COL8A1: variants seen among roughly 807,000 people sequenced by gnomAD.
COL8A1 encodes collagen alpha-1(VIII) chain.
A neutral mutation model predicts 42.7 loss-of-function variants in COL8A1; 21 were observed. The observed-to-expected ratio is 0.49, with a 90% confidence interval of 0.35 to 0.71. The LOEUF (loss-of-function observed/expected upper bound fraction) is 0.71, where lower values mean the gene tolerates loss of function less well. Ranked by LOEUF, COL8A1 falls within the 30% of genes least tolerant of loss-of-function variation. The probability of loss-of-function intolerance (pLI) is 0.01; values close to 1 mark genes in which losing one functional copy is unlikely to be tolerated. For synonymous variants in COL8A1, 367 were observed against 369.1 expected (o/e 0.99, Z 0.06); for missense variants, 788 against 962.4 (o/e 0.82, Z 2.40).
intron 1 of COL8A1, among the ~76,000 whole-genome samples, chr3:99,671,245 A>C (rs553616101): frequency 5.3e-4 from 81 of 152,170 alleles, no homozygotes; most frequent in African/African-American, 1.9e-3. Flanking sequence ...ACTGTAGAGA[A>C]GATAATTCTT....
intron 2 of COL8A1, among the ~76,000 whole-genome samples, chr3:99,756,807 G>A (rs1390063696): frequency 6.6e-6 from 1 of 152,148 alleles, no homozygotes; most frequent in African/African-American, 2.4e-5. Context: ...AAACGTCTTA[G>A]CCAAAATCAG....
chr3:99,742,930 T>C (rs1386557453), intron 1 of COL8A1, among the ~76,000 whole-genome samples: 1 of 152,210 alleles, frequency 6.6e-6, no homozygotes, highest in Non-Finnish European at 1.5e-5. Flanking sequence ...AATCTTATTG[T>C]CTAATGCAGT....
intron 2 of COL8A1, among the ~76,000 whole-genome samples, chr3:99,789,769 C>CAACTCTTTGTAAACTTTCTTTCAA (rs1941964750): frequency 2.0e-5 from 3 of 152,330 alleles, no homozygotes; most frequent in Non-Finnish European, 4.4e-5. Flanking sequence ...CTTATTCATA[C>CAACTCTTTGTAAACTTTCTTTCAA]AACTCTTGCT....
At chr3:99,767,504 A>T (rs1941486279) in intron 2 of COL8A1, among the ~76,000 whole-genome samples, 1 of 152,246 alleles carries the variant, frequency 6.6e-6, no homozygotes, top group Non-Finnish European at 1.5e-5. Context: ...ATTCTTGGTA[A>T]CAGCTGGTGG....
chr3:99,692,262 C>G (rs1223364918), intron 1 of COL8A1, among the ~76,000 whole-genome samples: 1 of 152,194 alleles, frequency 6.6e-6, no homozygotes, highest in African/African-American at 2.4e-5. Context: ...TCCTCAGCAA[C>G]CTGCATTTAC....
chr3:99,702,500 C>G (rs1939569044), intron 1 of COL8A1, among the ~76,000 whole-genome samples: 1 of 152,180 alleles, frequency 6.6e-6, no homozygotes, highest in African/African-American at 2.4e-5. Context: ...GATAAGTTAT[C>G]ATTTCCAATT....
chr3:99,736,798 T>A (rs1940732083), intron 1 of COL8A1, among the ~76,000 whole-genome samples: 1 of 151,160 alleles, frequency 6.6e-6, no homozygotes, highest in Non-Finnish European at 1.5e-5. Flanking sequence ...GTTGACTTTC[T>A]GTCTCGTTGA....
intron 1 of COL8A1, among the ~76,000 whole-genome samples, chr3:99,708,784 T>C (rs1939753514): frequency 6.6e-6 from 1 of 152,190 alleles, no homozygotes; most frequent in Non-Finnish European, 1.5e-5. Flanking sequence ...AAAGGCATTT[T>C]CCAACCACTT....
At chr3:99,733,632 A>C (rs938868803) in intron 1 of COL8A1, among the ~76,000 whole-genome samples, 1 of 152,036 alleles carries the variant, frequency 6.6e-6, no homozygotes, top group Non-Finnish European at 1.5e-5. Flanking sequence ...TCTTTATAGC[A>C]GCATGATTTA....
chr3:99,694,522 G>A (rs549018043), intron 1 of COL8A1, among the ~76,000 whole-genome samples: 1 of 152,026 alleles, frequency 6.6e-6, no homozygotes, highest in South Asian at 2.1e-4. Context: ...CCATGTGCAC[G>A]CTTTGAAAAT....
rs1576480592 is a variant in COL8A1, at chr3:99,795,418, G to A, written c.1517G>A (p.Ser506Asn). ...PPGIPGIGGP[S>N]GPIGPPGIPG... is the part of the protein sequence containing the mutation. ...GGTATCCCAGGGATTGGGGGCCCTA[G>A]TGGCCCCATTGGACCACCTGGGATT... Residue 506 changes from serine (S) to asparagine (N), a missense_variant, in exon 4 of 4, where the codon AGT becomes AAT. By Grantham distance (46) the Ser-to-Asn change is conservative (BLOSUM62 1). This residue lies in a region of COL8A1 where 154 missense variants were observed against 182.3 expected (regional missense o/e 0.84). Transcript: ENST00000652472. The A allele has an allele frequency of 6.5e-7, 1 of 1,535,972 alleles. No individual in the cohort carries two copies. Among genetic ancestry groups the A allele is most frequent in the East Asian group, 2.4e-5 (1 of 41,004 alleles).
In COL8A1 at chr3:99,659,724, T is replaced by C. The variant is rs201019053; in HGVS notation, c.-129+21060T>C. On this transcript the variant is annotated intron_variant, in intron 1 of 3. Coordinates refer to ENST00000652472, the MANE Select transcript of COL8A1 (RefSeq NM_020351.4). ...CTCCTGGGTTTGGTATATCTTTTTG[T>C]CCTTTATGATCATGTCCATAATCTG... 2.6e-5 allele frequency among the ~76,000 whole-genome samples: 4 copies of C among 152,216 alleles called. No individual in the cohort carries two copies. The East Asian group carries it at 5.8e-4, about 22-fold the overall frequency.
At chr3:99,739,402 G>A (rs978046099) in intron 1 of COL8A1, among the ~76,000 whole-genome samples, 3 of 152,168 alleles carry the variant, frequency 2.0e-5, no homozygotes, top group African/African-American at 4.8e-5. Flanking sequence ...GACTATGTGT[G>A]GGGGGACCAA....
chr3:99,752,344 A>C (rs1941167611), intron 2 of COL8A1, among the ~76,000 whole-genome samples: 2 of 152,172 alleles, frequency 1.3e-5, no homozygotes, highest in South Asian at 4.1e-4. Context: ...AACATTTAAT[A>C]AGTCCCAGCT....
intron 2 of COL8A1, among the ~76,000 whole-genome samples, chr3:99,782,536 C>T (rs992463633): frequency 2.0e-5 from 3 of 152,112 alleles, no homozygotes; most frequent in Non-Finnish European, 4.4e-5. Flanking sequence ...GGATTACAGG[C>T]ATGTGCCACC....
At chr3:99,753,378 G>A (rs1014018879) in intron 2 of COL8A1, among the ~76,000 whole-genome samples, 4 of 152,190 alleles carry the variant, frequency 2.6e-5, no homozygotes, top group Non-Finnish European at 5.9e-5. Flanking sequence ...GCCATCACAA[G>A]GACTAGGTGC....
intron 1 of COL8A1, among the ~76,000 whole-genome samples, chr3:99,647,639 G>A (rs1937689973): frequency 6.6e-6 from 1 of 152,130 alleles, no homozygotes; most frequent in Non-Finnish European, 1.5e-5. Context: ...AATAAACAAG[G>A]AGCCTAGATA....
At chr3:99,652,922 T>C (rs752779935) in intron 1 of COL8A1, among the ~76,000 whole-genome samples, 5 of 152,318 alleles carry the variant, frequency 3.3e-5, no homozygotes, top group East Asian at 1.9e-4. Flanking sequence ...GCTACTACCA[T>C]GACCTGAATA....
intron 2 of COL8A1, among the ~76,000 whole-genome samples, chr3:99,763,737 C>G (rs1048228646): frequency 6.6e-6 from 1 of 152,184 alleles, no homozygotes; most frequent in Admixed American, 6.5e-5. Flanking sequence ...CCATGTTCTG[C>G]TTCCTGAGGT....
Sources: allele counts gnomAD v4.1 joint callset (sites outside exome capture counted in the v4.1 genomes callset), GRCh38; gene constraint gnomAD v4.1.1; regional missense constraint gnomAD v4.1.1; transcripts MANE v1.5; gene names NCBI Gene and HGNC (gene_info 2026-07-23, HGNC 2026-07-21).